Variants in HDAC9 observed in about 807,000 individuals in gnomAD.
HDAC9 encodes the protein histone deacetylase 9.
A neutral mutation model predicts 139.4 loss-of-function variants in HDAC9; 41 were observed. That is an observed-to-expected ratio of 0.29 (90% CI 0.23 to 0.38). The LOEUF (loss-of-function observed/expected upper bound fraction) is 0.38, where lower values mean the gene tolerates loss of function less well. HDAC9 is among the 10% of genes least tolerant of loss of function. The pLI is 1.00. For missense variants in HDAC9, 1,147 were observed against 1,297.0 expected (o/e 0.88, Z 1.78); for synonymous variants, 517 against 476.2 (o/e 1.09, Z -1.12).
In HDAC9 at chr7:18,884,239, A is replaced by C. The variant is rs144490806; in HGVS notation, c.2803+9643A>C. Reference sequence around the variant, plus strand: ...AACCACAAAAGACCCTGAATAGCCTAAGCAATCTTGATCAAAAAACACAAA... The same window carrying C: ...AACCACAAAAGACCCTGAATAGCCTCAGCAATCTTGATCAAAAAACACAAA... On this transcript the variant is annotated intron_variant, in intron 22 of 25. Coordinates refer to ENST00000686413, the MANE Select transcript of HDAC9 (RefSeq NM_178425.4). Among the ~76,000 whole-genome samples, 413 of 152,310 alleles carry C rather than the reference A, an allele frequency of 2.7e-3. 1 individual carries two copies. Among genetic ancestry groups the C allele is most frequent in the Non-Finnish European group, 4.3e-3 (292 of 68,016 alleles).
chr7:18,504,924 C>G (rs1799345837), intron 2 of HDAC9, among the ~76,000 whole-genome samples: 1 of 152,106 alleles, frequency 6.6e-6, no homozygotes, highest in African/African-American at 2.4e-5. Flanking sequence ...CTGCTTGGTA[C>G]TAAAAATGTG....
At chr7:18,786,915 A>AC (rs1465402488) in intron 16 of HDAC9, among the ~76,000 whole-genome samples, 1 of 146,716 alleles carries the variant, frequency 6.8e-6, no homozygotes, top group East Asian at 2.0e-4. Flanking sequence ...CATTACCGAT[A>AC]TTCTGGGGTC....
chr7:18,196,213 C>A lies in HDAC9; in HGVS notation c.25+33864C>A, dbSNP rs181231694. On this transcript the variant is annotated intron_variant, in intron 2 of 12. Transcript: ENST00000417496. ...ATAAATAGAAGGTGTACATTTGGAG[C>A]CAGTGGGGTAAGATTGGAGACATGA... is the stretch of plus-strand genomic sequence containing the variant. Among the ~76,000 whole-genome samples the A allele has an allele frequency of 1.1e-4, 17 of 152,144 alleles. No individual in the cohort carries two copies. The East Asian group carries it at 2.9e-3, about 26-fold the overall frequency.
chr7:18,915,858 G>T (rs1803146508), intron 22 of HDAC9, among the ~76,000 whole-genome samples: 1 of 151,254 alleles, frequency 6.6e-6, no homozygotes, highest in Non-Finnish European at 1.5e-5. Context: ...GTGTTCCTTT[G>T]GATATTTTCT....
chr7:18,668,771 T>A (rs2129081810), intron 12 of HDAC9: 2 of 982,460 alleles, frequency 2.0e-6, no homozygotes, highest in Middle Eastern at 1.1e-3. Context: ...TGTAAATATA[T>A]TGTTTGTATG....
At chr7:18,336,221 T>C (rs1159535830) in intron 1 of HDAC9, among the ~76,000 whole-genome samples, 4 of 151,556 alleles carry the variant, frequency 2.6e-5, no homozygotes, top group African/African-American at 7.3e-5. Flanking sequence ...GTCAAACAGA[T>C]GTTATTGTTA....
intron 2 of HDAC9, among the ~76,000 whole-genome samples, chr7:18,205,170 C>T (rs1021574980): frequency 1.3e-5 from 2 of 151,930 alleles, no homozygotes; most frequent in Non-Finnish European, 2.9e-5. Context: ...AGCTTTCTGT[C>T]TTCTCCTCCC....
At chr7:18,766,446 A>G (rs1315958977) in intron 15 of HDAC9, among the ~76,000 whole-genome samples, 3 of 152,194 alleles carry the variant, frequency 2.0e-5, no homozygotes, top group African/African-American at 7.2e-5. Flanking sequence ...TTTAAAGAAG[A>G]TATTTTATAT....
At chr7:18,895,722 A>G (rs1801133310) in intron 22 of HDAC9, among the ~76,000 whole-genome samples, 2 of 152,128 alleles carry the variant, frequency 1.3e-5, no homozygotes, top group African/African-American at 2.4e-5. Flanking sequence ...TTCCCTTAGC[A>G]TCGAACAGCT....
At chr7:18,413,179 A>C (rs570441834) in intron 1 of HDAC9, among the ~76,000 whole-genome samples, 70 of 152,226 alleles carry the variant, frequency 4.6e-4, no homozygotes, top group Non-Finnish European at 7.6e-4. Flanking sequence ...AATTTCCTAT[A>C]GATATTTTTG....
chr7:18,944,397 G>T (rs141638113), intron 23 of HDAC9, among the ~76,000 whole-genome samples: 84 of 152,236 alleles, frequency 5.5e-4, no homozygotes, highest in African/African-American at 2.0e-3. Flanking sequence ...AATATAACAT[G>T]TTGCTCTTAT....
At chr7:18,145,864 T>C (rs1236703747) in intron 1 of HDAC9, among the ~76,000 whole-genome samples, 1 of 152,112 alleles carries the variant, frequency 6.6e-6, no homozygotes, top group African/African-American at 2.4e-5. Flanking sequence ...TTGTGTTACT[T>C]TGAGGAAGCT....
At chr7:18,585,200 T>A in intron 2 of HDAC9, 81 bp from the exon 3 acceptor site, 1 of 1,500,188 alleles carries the variant, frequency 6.7e-7, no homozygotes, top group Non-Finnish European at 9.1e-7. Context: ...ATACTTTTTA[T>A]TTGTTTCCAA....
intron 2 of HDAC9, among the ~76,000 whole-genome samples, chr7:18,197,351 T>A (rs550905469): frequency 4.3e-4 from 66 of 152,228 alleles, no homozygotes; most frequent in African/African-American, 1.5e-3. Context: ...TACTTAGGAA[T>A]GGGAATGGAG....
At chr7:18,910,917 G>C (rs1051571174) in intron 22 of HDAC9, among the ~76,000 whole-genome samples, 3 of 151,718 alleles carry the variant, frequency 2.0e-5, no homozygotes, top group Admixed American at 6.6e-5. Context: ...TTCTTATTTT[G>C]TTTTGTCCTT....
intron 22 of HDAC9, among the ~76,000 whole-genome samples, chr7:18,903,320 A>G (rs1430466403): frequency 1.3e-5 from 2 of 152,216 alleles, no homozygotes; most frequent in Admixed American, 1.3e-4. Flanking sequence ...ACTGCATTTT[A>G]TTCATAGTTT....
chr7:18,347,273 G>C (rs1388909498), intron 1 of HDAC9, among the ~76,000 whole-genome samples: 1 of 152,124 alleles, frequency 6.6e-6, no homozygotes, highest in Non-Finnish European at 1.5e-5. Flanking sequence ...GAAAGTGAAG[G>C]AAAATGAGCA....
Position 18,996,199 on chromosome 7 carries a change from T to C in HDAC9, c.*137T>C. 1.7e-6 allele frequency: 1 copy of C among 580,944 alleles called. No individual in the cohort carries two copies. 36.0% of individuals were successfully genotyped at this position (580,944 alleles called of 1,614,324 possible). A position where few individuals can be genotyped will look rare whatever the true frequency, so the allele number is the denominator to read the frequency against. ...AACATAAACACTGGGCACAAAATTCTGAACAGCAGCTTCACTTGTTCTTTG... is the reference window on the plus strand; with the variant it reads ...AACATAAACACTGGGCACAAAATTCCGAACAGCAGCTTCACTTGTTCTTTG... On this transcript the variant is annotated 3_prime_UTR_variant, in exon 26 of 26. Transcript: ENST00000686413.
intron 17 of HDAC9, among the ~76,000 whole-genome samples, chr7:18,800,833 A>G (rs1793225348): frequency 6.6e-6 from 1 of 151,838 alleles, no homozygotes; most frequent in Non-Finnish European, 1.5e-5. Context: ...GCCTTGTTTC[A>G]AAATAATAAT....
Sources: gnomAD v4.1 joint callset for allele counts (sites outside exome capture counted in the v4.1 genomes callset) on GRCh38, gnomAD v4.1.1 for gene constraint, MANE v1.5 for transcripts, NCBI Gene and HGNC (gene_info 2026-07-23, HGNC 2026-07-21) for gene names.